CHRDL1: variants seen among roughly 807,000 people sequenced by gnomAD.
CHRDL1 encodes chordin-like protein 1.
Under a neutral mutation model 40.9 loss-of-function variants are expected in CHRDL1, and 19 were observed. The observed-to-expected ratio is 0.46, with a 90% confidence interval of 0.32 to 0.68. CHRDL1 has a LOEUF of 0.68. CHRDL1 is among the 30% of genes least tolerant of loss of function. CHRDL1 has a pLI of 0.03. For missense variants in CHRDL1, 329 were observed against 352.1 expected (o/e 0.93, Z 0.53); for synonymous variants, 136 against 123.4 (o/e 1.10, Z -0.68).
chrX:110,762,647 G>T, intron 3 of CHRDL1, 48 bp downstream of exon 3: 2 of 738,200 alleles, frequency 2.7e-6, no homozygotes, highest in Non-Finnish European at 4.2e-6. Flanking sequence ...AAGCCTCTCG[G>T]CATGCTGAGG....
chrX:110,753,730 A>T (rs1342907971), intron 4 of CHRDL1, among the ~76,000 whole-genome samples: 2 of 111,300 alleles, frequency 1.8e-5, no homozygotes, highest in Non-Finnish European at 3.8e-5. Context: ...ATATAAATAC[A>T]TGGGATGGGA....
intron 4 of CHRDL1, among the ~76,000 whole-genome samples, chrX:110,747,281 C>A (rs1335757360): frequency 9.1e-6 from 1 of 110,246 alleles, no homozygotes; most frequent in African/African-American, 3.3e-5. Context: ...GCCTCAAATG[C>A]CTACTTACTA....
chrX:110,676,379 G>A lies in CHRDL1; in HGVS notation c.1247-18C>T, dbSNP rs180765597. On this transcript the variant is annotated intron_variant, in intron 11 of 11. Transcript: ENST00000372042. ...CCACTGGCCTAAAAGGCAAACAAAC[G>A]CAAAGTGGCCGGGAGTGTGTAAGAG... The A allele has an allele frequency of 1.3e-3, 1,626 of 1,206,059 alleles. 13 individuals are homozygous for A. The African/African-American group carries it at 0.025, about 18-fold the overall frequency.
rs140350829 is a variant in CHRDL1 at position 110,694,536 on chromosome X, C to G, written c.610-205G>C. On this transcript the variant is annotated intron_variant, in intron 7 of 11. Transcript: ENST00000372042. ...TTTCATTAAAATTTTTTTTTAATGA[C>G]AACTTGCCAAGGTTTATCTCTCTTC... 5.2e-3 allele frequency among the ~76,000 whole-genome samples: 584 copies of G among 111,406 alleles called. 4 individuals are homozygous for G. The highest frequency in any genetic ancestry group is 8.8e-3 in the South Asian group (23 of 2,618).
chrX:110,738,909 C>T (rs1289347629), intron 4 of CHRDL1, among the ~76,000 whole-genome samples: 1 of 111,419 alleles, frequency 9.0e-6, no homozygotes, highest in Admixed American at 9.5e-5. Flanking sequence ...ATGGTTTACG[C>T]CCAGTTTAGG....
chrX:110,789,988 T>C (rs753069535), intron 2 of CHRDL1, among the ~76,000 whole-genome samples: 2 of 112,637 alleles, frequency 1.8e-5, no homozygotes, highest in African/African-American at 6.4e-5. Context: ...TTTGTAACTA[T>C]TTATCTATGA....
intron 6 of CHRDL1, among the ~76,000 whole-genome samples, chrX:110,718,828 C>A (rs1162557022): frequency 8.9e-6 from 1 of 111,791 alleles, no homozygotes; most frequent in Non-Finnish European, 1.9e-5. Context: ...TGGTGAGTTC[C>A]ATAAGAGCAA....
chrX:110,689,460 ATATATATCTATATATCTATATATC>A (rs1209955497), intron 8 of CHRDL1, among the ~76,000 whole-genome samples: 1 of 52,429 alleles, frequency 1.9e-5, no homozygotes, highest in Non-Finnish European at 2.8e-5. Context: ...CTATATATCT[ATATATATCTATATATCTATATATC>A]TATATCTCTA....
intron 6 of CHRDL1, among the ~76,000 whole-genome samples, chrX:110,711,726 C>T (rs1387505128): frequency 9.0e-6 from 1 of 111,662 alleles, no homozygotes; most frequent in Non-Finnish European, 1.9e-5. Context: ...ATACCACTTC[C>T]CTGAAGATCC....
At position 110,694,176 on chromosome X, in the gene CHRDL1, G is replaced by A; in HGVS notation, c.765C>T (p.His255=). ...TIVQIVINNK[H]KHGQVCVSNG... ...GATGCCCCTTACCTTGTCCATGCTT[G>A]TGTTTGTTATTGATGACAATTTGCA... Residue 255 remains histidine (H), a synonymous_variant, in exon 8 of 12, where the codon CAC becomes CAT. Transcript: ENST00000372042. The A allele has an allele frequency of 8.3e-7, 1 of 1,207,887 alleles. No homozygotes were observed. The highest frequency in any genetic ancestry group is 1.1e-6 in the Non-Finnish European group (1 of 892,284).
intron 4 of CHRDL1, among the ~76,000 whole-genome samples, chrX:110,728,792 A>G (rs1255409482): frequency 8.9e-6 from 1 of 111,952 alleles, no homozygotes; most frequent in Non-Finnish European, 1.9e-5. Context: ...TCAGTCAGGC[A>G]AAGTAAGAGC....
intron 2 of CHRDL1, among the ~76,000 whole-genome samples, chrX:110,784,568 C>T (rs1215541830): frequency 1.8e-5 from 2 of 110,639 alleles, no homozygotes; most frequent in African/African-American, 3.3e-5. Context: ...CCCGCCACTA[C>T]GCCCACCTAA....
chrX:110,689,835 A>C (rs35765974), intron 8 of CHRDL1, among the ~76,000 whole-genome samples: 2 of 55,619 alleles, frequency 3.6e-5, no homozygotes, highest in South Asian at 6.9e-4. Context: ...CTATATATCT[A>C]TATATATCTA....
chrX:110,726,310 G>C (rs1031896941), intron 4 of CHRDL1, among the ~76,000 whole-genome samples: 3 of 111,256 alleles, frequency 2.7e-5, no homozygotes, highest in African/African-American at 9.8e-5. Flanking sequence ...TAAGTTATAA[G>C]GGCAACATCC....
At chrX:110,678,844 G>A (rs2069835298) in intron 11 of CHRDL1, among the ~76,000 whole-genome samples, 1 of 110,863 alleles carries the variant, frequency 9.0e-6, no homozygotes, top group Non-Finnish European at 1.9e-5. Flanking sequence ...GTGTTTTTGA[G>A]TGCCTGAATG....
intron 2 of CHRDL1, among the ~76,000 whole-genome samples, chrX:110,765,712 C>G (rs1166442106): frequency 1.8e-5 from 2 of 111,468 alleles, no homozygotes; most frequent in African/African-American, 6.5e-5. Flanking sequence ...TACTAACAGA[C>G]CTAAGAAATG....
At chrX:110,793,091 G>A in intron 1 of CHRDL1, among the ~76,000 whole-genome samples, 1 of 112,165 alleles carries the variant, frequency 8.9e-6, no homozygotes, top group East Asian at 2.8e-4. Context: ...GTTAGAGTTT[G>A]CAAAATTCCT....
intron 2 of CHRDL1, among the ~76,000 whole-genome samples, chrX:110,788,412 C>T (rs1265057642): frequency 9.0e-6 from 1 of 111,639 alleles, no homozygotes; most frequent in Admixed American, 9.5e-5. Context: ...CCGTCATTCC[C>T]CTGTGATGCC....
intron 7 of CHRDL1, among the ~76,000 whole-genome samples, chrX:110,697,814 C>CCACACACACACACACACACACA (rs60454872): frequency 1.8e-5 from 1 of 55,134 alleles, no homozygotes; most frequent in East Asian, 7.1e-4. Flanking sequence ...CCACACCACT[C>CCACACACACACACACACACACA]CACACACACA....
Sources: gnomAD v4.1 joint callset for allele counts (sites outside exome capture counted in the v4.1 genomes callset) on GRCh38, gnomAD v4.1.1 for gene constraint, MANE v1.5 for transcripts, NCBI Gene and HGNC (gene_info 2026-07-23, HGNC 2026-07-21) for gene names.